The following PCDH11X variants were observed in gnomAD, a reference collection of about 807,000 sequenced individuals.
The protein encoded by PCDH11X is protocadherin-11 X-linked.
Under a neutral mutation model 53.3 loss-of-function variants are expected in PCDH11X, and 18 were observed. That is an observed-to-expected ratio of 0.34 (90% CI 0.23 to 0.50). The LOEUF (loss-of-function observed/expected upper bound fraction) is 0.50, where lower values mean the gene tolerates loss of function less well. Among genes scored for constraint, PCDH11X ranks in the 20% least tolerant of loss-of-function variants. The pLI is 0.98. For missense variants in PCDH11X, 570 were observed against 1,032.4 expected (o/e 0.55, Z 6.14); for synonymous variants, 279 against 393.3 (o/e 0.71, Z 3.44).
rs752166737 is a variant in PCDH11X at position 92,345,817 on chromosome X, C to T, written c.3145-41918C>T. ...CATTATTTTTCAGAATATGAAAACACAGGAGACATGGTATTGAAAGCTAAT... is the reference window on the plus strand; with the variant it reads ...CATTATTTTTCAGAATATGAAAACATAGGAGACATGGTATTGAAAGCTAAT... On this transcript the variant is annotated intron_variant, in intron 8 of 10. Transcript: ENST00000682573. Among the ~76,000 whole-genome samples, 257 of 109,123 alleles carry T rather than the reference C, an allele frequency of 2.4e-3. 2 individuals carry two copies. Among genetic ancestry groups the T allele is most frequent in the South Asian group, 0.011 (28 of 2,569 alleles). 94.8% of individuals were successfully genotyped at this position (109,123 alleles called of 115,157 possible).
At chrX:92,020,301 G>A (rs1299052916) in intron 6 of PCDH11X, among the ~76,000 whole-genome samples, 1 of 112,188 alleles carries the variant, frequency 8.9e-6, no homozygotes, top group Admixed American at 9.4e-5. Context: ...AGCTCCCAGG[G>A]CAAGGGAAGG....
chrX:91,848,007 T>C (rs1235224114), intron 5 of PCDH11X, among the ~76,000 whole-genome samples: 1 of 111,425 alleles, frequency 9.0e-6, no homozygotes, highest in Non-Finnish European at 1.9e-5. Context: ...AAGTAAAGTT[T>C]TCAGAAGCTC....
chrX:92,560,730 A>T (rs1042360303), intron 10 of PCDH11X, among the ~76,000 whole-genome samples: 12 of 105,761 alleles, frequency 1.1e-4, no homozygotes, highest in Admixed American at 3.1e-4. Flanking sequence ...ATGTAGAAGG[A>T]CTTTGTTTTC....
At chrX:91,931,366 C>T (rs2061382606) in intron 6 of PCDH11X, among the ~76,000 whole-genome samples, 1 of 110,996 alleles carries the variant, frequency 9.0e-6, no homozygotes, top group East Asian at 2.9e-4. Context: ...TGCTAATGTA[C>T]TATGAGTAAT....
At chrX:92,077,645 GAA>G (rs2063796117) in intron 6 of PCDH11X, among the ~76,000 whole-genome samples, 3 of 106,045 alleles carry the variant, frequency 2.8e-5, no homozygotes, top group East Asian at 5.8e-4. Flanking sequence ...AGGAAGGAAG[GAA>G]GGAAGGAAGG....
At chrX:92,257,117 G>A (rs1603236758) in intron 7 of PCDH11X, among the ~76,000 whole-genome samples, 1 of 111,415 alleles carries the variant, frequency 9.0e-6, no homozygotes, top group South Asian at 3.8e-4. Context: ...GGCAAAGGGG[G>A]AGCAGCACTT....
At chrX:92,339,034 G>A (rs1291008596) in intron 8 of PCDH11X, among the ~76,000 whole-genome samples, 1 of 111,501 alleles carries the variant, frequency 9.0e-6, no homozygotes, top group Non-Finnish European at 1.9e-5. Context: ...CAAAGCTACA[G>A]TAATGAAAAC....
intron 10 of PCDH11X, among the ~76,000 whole-genome samples, chrX:92,474,606 A>G (rs2148666943): frequency 1.1e-5 from 1 of 88,546 alleles, no homozygotes; most frequent in South Asian, 6.3e-4. Flanking sequence ...ATTTTTTGTC[A>G]GTCAGTTATC....
At chrX:92,526,361 C>G (rs2074452929) in intron 10 of PCDH11X, among the ~76,000 whole-genome samples, 2 of 108,491 alleles carry the variant, frequency 1.8e-5, no homozygotes, top group Admixed American at 2.0e-4. Context: ...CAATGGGGAG[C>G]CATTGTTCGC....
chrX:92,020,773 G>A (rs926853871), intron 6 of PCDH11X, among the ~76,000 whole-genome samples: 13 of 110,805 alleles, frequency 1.2e-4, no homozygotes, highest in African/African-American at 2.0e-4. Flanking sequence ...GTCAGACACC[G>A]TATTCAGGAG....
intron 6 of PCDH11X, among the ~76,000 whole-genome samples, chrX:92,050,934 C>T (rs1350800132): frequency 9.1e-6 from 1 of 110,428 alleles, no homozygotes; most frequent in Non-Finnish European, 1.9e-5. Context: ...TGGCATGATG[C>T]CCCCTTTGTG....
intron 10 of PCDH11X, among the ~76,000 whole-genome samples, chrX:92,500,360 A>G (rs1392720852): frequency 9.0e-6 from 1 of 111,415 alleles, no homozygotes; most frequent in African/African-American, 3.3e-5. Flanking sequence ...ATCAATTTCT[A>G]CACTTCATCT....
At chrX:92,363,500 T>A (rs1374090095) in intron 8 of PCDH11X, among the ~76,000 whole-genome samples, 1 of 108,915 alleles carries the variant, frequency 9.2e-6, no homozygotes, top group Non-Finnish European at 1.9e-5. Flanking sequence ...TCTGATTTTG[T>A]ATCCTGCAAC....
intron 6 of PCDH11X, among the ~76,000 whole-genome samples, chrX:92,182,276 G>A (rs1163617808): frequency 3.6e-5 from 4 of 111,607 alleles, no homozygotes; most frequent in African/African-American, 9.8e-5. Flanking sequence ...TCTCCTATTT[G>A]GAATGGCTGT....
rs2064818882 is a variant in PCDH11X, at chrX:92,124,073, A to T, written c.3034-77302A>T. 2.7e-5 allele frequency among the ~76,000 whole-genome samples: 3 copies of T among 111,833 alleles called. No homozygotes were observed. In the Admixed American group the frequency reaches 2.9e-4, roughly 11 times the overall value. ...CTTCTCATACTTCAAGTTGCAGCTT[A>T]AAAGTCATTTCCTTAGAGATGCTGT... is the stretch of plus-strand genomic sequence containing the variant. On this transcript the variant is annotated intron_variant, in intron 6 of 10. Coordinates refer to ENST00000682573, the MANE Select transcript of PCDH11X (RefSeq NM_032968.5).
At chrX:92,221,232 AT>A (rs2066867408) in intron 7 of PCDH11X, among the ~76,000 whole-genome samples, 1 of 73,101 alleles carries the variant, frequency 1.4e-5, no homozygotes, top group Non-Finnish European at 2.7e-5. Context: ...ATAAATAAAA[AT>A]GAAAAATTGC....
At chrX:92,339,301 C>T (rs2069694994) in intron 8 of PCDH11X, among the ~76,000 whole-genome samples, 2 of 112,203 alleles carry the variant, frequency 1.8e-5, no homozygotes, top group African/African-American at 6.5e-5. Flanking sequence ...TGTAAGACCT[C>T]AAATTATAAA....
chrX:92,210,453 A>G (rs2066564060), intron 7 of PCDH11X, among the ~76,000 whole-genome samples: 1 of 108,576 alleles, frequency 9.2e-6, no homozygotes, highest in East Asian at 2.9e-4. Flanking sequence ...GTTAGCCAGG[A>G]TGGTCCTGAT....
chrX:92,288,533 G>A (rs1458696808), intron 8 of PCDH11X, among the ~76,000 whole-genome samples: 24 of 109,541 alleles, frequency 2.2e-4, no homozygotes, highest in African/African-American at 7.3e-4. Flanking sequence ...CACCATGCCC[G>A]GCTAATGAAT....
Sources: allele counts gnomAD v4.1 joint callset (sites outside exome capture counted in the v4.1 genomes callset), GRCh38; gene constraint gnomAD v4.1.1; transcripts MANE v1.5; gene names NCBI Gene and HGNC (gene_info 2026-07-23, HGNC 2026-07-21).